SEMA4C: variants seen among roughly 807,000 people sequenced by gnomAD.
The protein encoded by SEMA4C is semaphorin-4C.
A neutral mutation model predicts 89.0 loss-of-function variants in SEMA4C; 19 were observed. The ratio of observed to expected loss-of-function variants is 0.21; its 90% CI spans 0.15 to 0.31. The LOEUF is 0.31. SEMA4C is among the 10% of genes least tolerant of loss of function. The pLI, the probability that SEMA4C is intolerant of heterozygous loss-of-function variation, is 1.00. For synonymous variants in SEMA4C, 428 were observed against 472.7 expected, an observed-to-expected ratio of 0.91 and a Z score of 1.23; for missense variants, 811 against 1,107.0, an observed-to-expected ratio of 0.73 and a Z score of 3.79.
At chr2:96,868,678 G>A in intron 1 of SEMA4C, 1 of 985,448 alleles carries the variant, frequency 1.0e-6, no homozygotes, top group South Asian at 4.7e-5. Context: ...GCCCTCTGGC[G>A]GAGGGGCGGT....
At chr2:96,869,290 A>C (rs2080153952) in intron 1 of SEMA4C, 1 of 985,082 alleles carries the variant, frequency 1.0e-6, no homozygotes, top group Admixed American at 6.2e-5. Flanking sequence ...AGCCGGGAGG[A>C]GGGGTTGGGG....
In SEMA4C at chr2:96,864,100, G is replaced by A. The variant is rs999134431; in HGVS notation, c.1156C>T (p.Leu386=). 6.1e-5 allele frequency: 98 copies of A among 1,612,768 alleles called. No homozygotes were observed. Among genetic ancestry groups the A allele is most frequent in the Non-Finnish European group, 7.9e-5 (93 of 1,180,012 alleles). The change falls in exon 11 of 15, where the codon CTA becomes TTA. Residue 386 remains leucine (L), a synonymous_variant. Coordinates refer to ENST00000305476, the MANE Select transcript of SEMA4C (RefSeq NM_017789.5). The surrounding 1 kb of genome is among the most constrained non-coding windows in gnomAD (Gnocchi z 6.3). ...RRHGYTSSLE[L]PDNILNFVKK... ...ACGAAGTTGAGGATGTTGTCGGGTA[G>A]CTCCAGGGAGCTGGTGTAGCCGTGG...
intron 2 of SEMA4C, chr2:96,866,739 C>T (rs1290376675): frequency 2.3e-5 from 11 of 482,666 alleles, no homozygotes; most frequent in African/African-American, 9.7e-5. Context: ...ATGGCACCTC[C>T]GGCCGCAGGG....
Position 96,864,895 on chromosome 2 carries a change from G to C in SEMA4C, c.787-15C>G, listed in dbSNP as rs745849511. On this transcript the variant is annotated splice_polypyrimidine_tract_variant and intron_variant, in intron 8 of 14. Coordinates refer to ENST00000305476, the MANE Select transcript of SEMA4C (RefSeq NM_017789.5). The surrounding 1 kb of genome is among the most constrained non-coding windows in gnomAD (Gnocchi z 6.3). The stretch of plus-strand genomic sequence containing the variant: ...CCCATATCGCCCTGGCAGACGGCAA[G>C]GGGACACTGCCGGTCAGCCCCGCTG... The C allele has an allele frequency of 1.9e-6, 3 of 1,612,358 alleles. No homozygotes were observed. Among genetic ancestry groups the C allele is most frequent in the South Asian group, 2.2e-5 (2 of 90,976 alleles).
Position 96,864,585 on chromosome 2 carries a change from G to A in SEMA4C, c.962+120C>T, listed in dbSNP as rs2080026535. 4.3e-6 allele frequency: 6 copies of A among 1,390,334 alleles called. No individual in the cohort carries two copies. The South Asian group carries it at 8.2e-5, about 19-fold the overall frequency. 86.1% of individuals were successfully genotyped at this position (1,390,334 alleles called of 1,614,324 possible). A position where few individuals can be genotyped will look rare whatever the true frequency, so the allele number is the denominator to read the frequency against. ...GGGGCAGGTGCCAGCATTCTCCTTG[G>A]CTTCTGGACACCTGGCTTCCGGGAC... On this transcript the variant is annotated intron_variant, in intron 9 of 14. Coordinates refer to ENST00000305476, the MANE Select transcript of SEMA4C (RefSeq NM_017789.5). The surrounding 1 kb of genome is among the most constrained non-coding windows in gnomAD (Gnocchi z 6.3).
upstream of SEMA4C, chr2:96,870,702 C>T: frequency 1.2e-5 from 12 of 985,518 alleles, no homozygotes; most frequent in Non-Finnish European, 1.4e-5. Context: ...CGCCTATCCC[C>T]AGAAAATGAC....
In SEMA4C at chr2:96,860,733, G is replaced by C. The variant is rs758051087; in HGVS notation, c.2395C>G (p.Arg799Gly). The C allele has an allele frequency of 1.2e-6, 2 of 1,613,662 alleles. No homozygotes were observed. The highest frequency in any genetic ancestry group is 2.7e-5 in the African/African-American group (2 of 74,900). Reference protein sequence around the residue: ...YVRLQLGGEDRGGLGHPLPEL... With the variant: ...YVRLQLGGEDGGGLGHPLPEL... ...GGCAGGGGGTGCCCGAGCCCTCCCC[G>C]GTCCTCCCCTCCTAGTTGTAAGCGC... Residue 799 changes from arginine (R) to glycine (G), a missense_variant, in exon 15 of 15, where the codon CGG becomes GGG. Transcript: ENST00000305476.
chr2:96,869,593 TC>T (rs2080162521), intron 1 of SEMA4C: 2 of 985,026 alleles, frequency 2.0e-6, no homozygotes, highest in Non-Finnish European at 2.4e-6. Flanking sequence ...CTGGCGAGGA[TC>T]CCGGCCGCGG....
In SEMA4C at chr2:96,861,609, C is replaced by G. The variant is rs1559031096; in HGVS notation, c.1642G>C (p.Gly548Arg). The change falls in exon 14 of 15, where the codon GGC becomes CGC. Residue 548 changes from glycine to arginine, a missense_variant. Gly to Arg is a moderately radical substitution (Grantham distance 125, BLOSUM62 -2). Around this residue, in one of 4 missense-constraint regions of SEMA4C, gnomAD observed 441 missense variants for 664.9 expected, o/e 0.66. Coordinates refer to ENST00000305476, the MANE Select transcript of SEMA4C (RefSeq NM_017789.5). The surrounding 1 kb of genome is among the most constrained non-coding windows in gnomAD (Gnocchi z 7.8). ...TTACTGCCACGGAGGTTGCAGATGC[C>G]TGAAGTGTCCGAGGTCATCACATGC... ...IQHVMTSDTSGICNLRGSKKV... is the reference protein window; with the variant it reads ...IQHVMTSDTSRICNLRGSKKV... 7 of 1,581,322 alleles carry G rather than the reference C, an allele frequency of 4.4e-6. No homozygotes were observed. Among genetic ancestry groups the G allele is most frequent in the East Asian group, 2.2e-5 (1 of 44,464 alleles).
rs2079917934 is a variant in SEMA4C, at chr2:96,860,602, C to T, written c.*24G>A. On this transcript the variant is annotated 3_prime_UTR_variant, in exon 15 of 15. Transcript: ENST00000305476. Reference sequence around the variant, plus strand: ...GTAGGAGCTACACCTCCCACGCTTCCCGCCGACGCGGTGGGGGTTCCCCTC... The same window carrying T: ...GTAGGAGCTACACCTCCCACGCTTCTCGCCGACGCGGTGGGGGTTCCCCTC... 6.4e-7 allele frequency: 1 copy of T among 1,568,508 alleles called. No homozygotes were observed. Among genetic ancestry groups the T allele is most frequent in the Non-Finnish European group, 8.6e-7 (1 of 1,156,100 alleles).
chr2:96,870,209 C>A (rs1351886193), upstream of SEMA4C: 3 of 984,984 alleles, frequency 3.0e-6, no homozygotes, highest in Non-Finnish European at 3.6e-6. Flanking sequence ...TGGACCCGCC[C>A]GCTCTCCGCC....
rs541764126 is a variant in SEMA4C, at chr2:96,860,966, C to T, written c.2162G>A (p.Arg721Gln). 1.3e-5 allele frequency: 21 copies of T among 1,613,024 alleles called. No individual in the cohort carries two copies. The highest frequency in any genetic ancestry group is 9.3e-5 in the African/African-American group (7 of 75,044). Residue 721 changes from arginine to glutamine, a missense_variant, in exon 15 of 15, where the codon CGG becomes CAG. Transcript: ENST00000305476. ...LPKEPTSPPFRPCPEPDEKLW... is the reference protein window; with the variant it reads ...LPKEPTSPPFQPCPEPDEKLW... ...TTTCTCATCTGGTTCAGGACAGGGC[C>T]GGAAGGGGGGACTGGTGGGCTCCTT... is the stretch of plus-strand genomic sequence containing the variant.
chr2:96,866,954 T>C (rs2080086759), intron 2 of SEMA4C: 1 of 273,832 alleles, frequency 3.7e-6, no homozygotes, highest in South Asian at 3.8e-5. Context: ...CAGGTGGGGA[T>C]GGCAGGAGGG....
At chr2:96,862,557 T>C (rs2079970447) in intron 12 of SEMA4C, 1 of 152,138 alleles carries the variant, frequency 6.6e-6, no homozygotes. Flanking sequence ...TTGTCTCTAC[T>C]AAAAATACAA....
In SEMA4C at chr2:96,865,304, C is replaced by T. The variant is rs759443164; in HGVS notation, c.534G>A (p.Ser178=). 19 of 1,614,054 alleles carry T rather than the reference C, an allele frequency of 1.2e-5. No individual in the cohort carries two copies. Among genetic ancestry groups the T allele is most frequent in the Non-Finnish European group, 1.6e-5 (19 of 1,180,040 alleles). ...TGCCCAGGAAGTTGTTGAGTGTGGC[C>T]GAGTACAGCTCACCATCTATGGGAG... ...AGLLVDGELY[S]ATLNNFLGTE... Residue 178 remains serine (S), a synonymous_variant, in exon 7 of 15, where the codon TCG becomes TCA. Coordinates refer to ENST00000305476, the MANE Select transcript of SEMA4C (RefSeq NM_017789.5).
rs550741731 is a variant in SEMA4C at position 96,864,773 on chromosome 2, C to T, written c.894G>A (p.Gln298=). 6.2e-7 allele frequency: 1 copy of T among 1,613,980 alleles called. No individual in the cohort carries two copies. The highest frequency in any genetic ancestry group is 1.1e-5 in the South Asian group (1 of 91,090). ...PNWQLYFNQL[Q]AMHTLQDTSW... is the part of the protein sequence containing the mutation. ...AGGTGTCCTGCAGGGTGTGCATCGC[C>T]TGCAGCTGGTTGAAGTAGAGCTGCC... Residue 298 remains glutamine, a synonymous_variant, in exon 9 of 15, where the codon CAG becomes CAA. Transcript: ENST00000305476. The surrounding 1 kb of genome is among the most constrained non-coding windows in gnomAD (Gnocchi z 6.3).
Position 96,860,961 on chromosome 2 carries a change from A to G in SEMA4C, c.2167T>C (p.Cys723Arg). The G allele has an allele frequency of 5.6e-6, 9 of 1,613,032 alleles. No individual in the cohort carries two copies. Among genetic ancestry groups the G allele is most frequent in the South Asian group, 2.2e-5 (2 of 91,086 alleles). The stretch of plus-strand genomic sequence containing the variant: ...CAAAGTTTCTCATCTGGTTCAGGAC[A>G]GGGCCGGAAGGGGGGACTGGTGGGC... ...KEPTSPPFRP[C>R]PEPDEKLWDP... is the part of the protein sequence containing the mutation. The change falls in exon 15 of 15, where the codon TGT becomes CGT. Residue 723 changes from cysteine (C) to arginine (R), a missense_variant. Cys to Arg is a radical substitution (Grantham distance 180, BLOSUM62 -3). This residue lies in a region of SEMA4C where 248 missense variants were observed against 269.0 expected (regional missense o/e 0.92). Coordinates refer to ENST00000305476, the MANE Select transcript of SEMA4C (RefSeq NM_017789.5).
rs779784848 is a variant in SEMA4C at position 96,863,680 on chromosome 2, A to G, written c.1443+2T>C. The G allele has an allele frequency of 2.5e-6, 4 of 1,612,836 alleles. No individual in the cohort carries two copies. The South Asian group carries it at 4.4e-5, about 18-fold the overall frequency. Reference sequence around the variant, plus strand: ...AGTGGCAGATAGGGCCCAACTTACTACCTTGCTCTGAGATAGCACCAGGCT... The same window carrying G: ...AGTGGCAGATAGGGCCCAACTTACTGCCTTGCTCTGAGATAGCACCAGGCT... On this transcript the variant is annotated splice_donor_variant, in intron 12 of 14. Coordinates refer to ENST00000305476, the MANE Select transcript of SEMA4C (RefSeq NM_017789.5). LOFTEE classifies it high-confidence loss of function.
chr2:96,868,445 C>G, intron 1 of SEMA4C: 1 of 999,508 alleles, frequency 1.0e-6, no homozygotes, highest in East Asian at 1.1e-4. Flanking sequence ...GCGGAGGTCC[C>G]GGTCCCGGCC....
Sources: gnomAD v4.1 joint callset for allele counts on GRCh38, gnomAD v4.1.1 for gene constraint, gnomAD v4.1.1 regional missense constraint, Gnocchi (gnomAD v3.1) non-coding constraint, MANE v1.5 for transcripts, NCBI Gene and HGNC (gene_info 2026-07-23, HGNC 2026-07-21) for gene names.